Variants in MERTK observed in about 807,000 individuals in gnomAD.
MERTK encodes tyrosine-protein kinase Mer.
MERTK carries 69 observed loss-of-function variants against 99.3 expected under a neutral mutation model. The ratio of observed to expected loss-of-function variants is 0.70; its 90% CI spans 0.57 to 0.85. MERTK has a LOEUF of 0.85. Among genes scored for constraint, MERTK ranks in the 40% least tolerant of loss-of-function variants. The probability of loss-of-function intolerance (pLI) is 0.00; values close to 1 mark genes in which losing one functional copy is unlikely to be tolerated. For missense variants in MERTK, 1,125 were observed against 1,249.4 expected (o/e 0.90, Z 1.50); for synonymous variants, 426 against 467.6 (o/e 0.91, Z 1.15).
chr2:111,951,582 G>A (rs1157443987), intron 4 of MERTK, among the ~76,000 whole-genome samples: 1 of 113,696 alleles, frequency 8.8e-6, no homozygotes, highest in African/African-American at 3.2e-5. Flanking sequence ...TCTGTTTATG[G>A]ACACTTACAT....
At chr2:111,923,331 CA>C (rs747108721) in intron 1 of MERTK, among the ~76,000 whole-genome samples, 11 of 152,232 alleles carry the variant, frequency 7.2e-5, no homozygotes, top group Non-Finnish European at 1.0e-4. Flanking sequence ...ATGATGGAGA[CA>C]AAAGCCCTGA....
rs1303380592 is a variant in MERTK, at chr2:112,028,697, C to T, written c.2833C>T (p.Pro945Ser). ...SEEWEDLTSA[P>S]SAAVTAEKNS... ...GGAATGGGAAGATCTGACTTCTGCC[C>T]CCTCTGCTGCAGTCACAGCTGAAAA... The change falls in exon 19 of 19, where the codon CCC (proline) becomes TCC (serine). Residue 945 changes from proline to serine, a missense_variant. Physicochemically the swap from Pro to Ser is moderately conservative, Grantham distance 74 (BLOSUM62 -1). Transcript: ENST00000295408. 1.9e-6 allele frequency: 3 copies of T among 1,614,200 alleles called. No individual in the cohort carries two copies. Among genetic ancestry groups the T allele is most frequent in the African/African-American group, 2.7e-5 (2 of 75,040 alleles).
At chr2:111,949,224 G>A (rs527805799) in intron 4 of MERTK, among the ~76,000 whole-genome samples, 1 of 152,170 alleles carries the variant, frequency 6.6e-6, no homozygotes. Context: ...TAATTACCCA[G>A]TTTATTCATT....
chr2:111,905,759 G>A (rs1326858524), intron 1 of MERTK, among the ~76,000 whole-genome samples: 5 of 151,932 alleles, frequency 3.3e-5, no homozygotes, highest in Admixed American at 2.6e-4. Context: ...GTGAGCCACC[G>A]TGCCCAGCCA....
At chr2:111,997,007 T>C (rs2104401519) in intron 9 of MERTK, 2 of 371,884 alleles carry the variant, frequency 5.4e-6, no homozygotes, top group Non-Finnish European at 1.0e-5. Context: ...ACGTGTATAA[T>C]GACATGAGTT....
chr2:112,021,615 G>A, intron 17 of MERTK, 34 bp downstream of exon 17: 12 of 1,570,306 alleles, frequency 7.6e-6, no homozygotes, highest in Non-Finnish European at 1.1e-5. Context: ...GGGTCCCACA[G>A]CACAAAGAGG....
chr2:111,991,165 A>T (rs898303485), intron 8 of MERTK, among the ~76,000 whole-genome samples: 6 of 152,202 alleles, frequency 3.9e-5, no homozygotes, highest in Non-Finnish European at 7.3e-5. Flanking sequence ...CCTCGCTCCC[A>T]AATTAAACAC....
chr2:112,021,210 A>G (rs1040927268), intron 16 of MERTK, among the ~76,000 whole-genome samples: 2 of 151,416 alleles, frequency 1.3e-5, no homozygotes, highest in Non-Finnish European at 2.9e-5. Context: ...AAAAGTCTCA[A>G]AAAAAAAATT....
intron 7 of MERTK, among the ~76,000 whole-genome samples, chr2:111,980,406 C>T: frequency 6.9e-6 from 1 of 144,796 alleles, no homozygotes. Flanking sequence ...TGAGACGCAA[C>T]TATTTCTTTT....
chr2:112,001,239 A>G lies in MERTK; in HGVS notation c.1643A>G (p.Asn548Ser). The change falls in exon 11 of 19, where the codon AAT becomes AGT. Residue 548 changes from asparagine to serine, a missense_variant. By Grantham distance (46) the Asn-to-Ser change is conservative. Coordinates refer to ENST00000295408, the MANE Select transcript of MERTK (RefSeq NM_006343.3). ...GAGGAGGATTCTGAATTAGTGGTGAATTATATAGCAAAGAAATCCTTCTGT... is the reference window on the plus strand; with the variant it reads ...GAGGAGGATTCTGAATTAGTGGTGAGTTATATAGCAAAGAAATCCTTCTGT... Reference protein sequence around the residue: ...FTEEDSELVVNYIAKKSFCRR... With the variant: ...FTEEDSELVVSYIAKKSFCRR... The G allele has an allele frequency of 6.2e-7, 1 of 1,613,936 alleles. No individual in the cohort carries two copies. The highest frequency in any genetic ancestry group is 8.5e-7 in the Non-Finnish European group (1 of 1,179,802).
chr2:111,919,202 A>G (rs952276031), intron 1 of MERTK, among the ~76,000 whole-genome samples: 1 of 152,102 alleles, frequency 6.6e-6, no homozygotes, highest in Non-Finnish European at 1.5e-5. Flanking sequence ...GGCCCTCTGC[A>G]TGAGGATTTG....
intron 8 of MERTK, among the ~76,000 whole-genome samples, chr2:111,988,892 T>C (rs1676549260): frequency 6.6e-6 from 1 of 152,178 alleles, no homozygotes; most frequent in African/African-American, 2.4e-5. Context: ...GAGGTTGCAG[T>C]AAGCCAAGAT....
intron 16 of MERTK, among the ~76,000 whole-genome samples, 177 bp downstream of exon 16, chr2:112,019,699 CTG>C (rs1173190207): frequency 1.3e-5 from 2 of 152,158 alleles, no homozygotes; most frequent in Non-Finnish European, 2.9e-5. Context: ...TTCACTGCCT[CTG>C]TATCTGAGAG....
intron 6 of MERTK, among the ~76,000 whole-genome samples, chr2:111,969,778 A>G (rs1401420419): frequency 9.6e-5 from 13 of 135,304 alleles, no homozygotes; most frequent in South Asian, 6.9e-4. Context: ...TGCAAGCTCC[A>G]CCTCCCGGGT....
chr2:111,984,647 TGATAAGCATGA>T (rs1676436458), intron 8 of MERTK, among the ~76,000 whole-genome samples: 1 of 152,190 alleles, frequency 6.6e-6, no homozygotes, highest in Non-Finnish European at 1.5e-5. Context: ...GGGGAGCCAA[TGATAAGCATGA>T]GCTCAGGAGC....
At chr2:112,026,468 A>G (rs535345875) in intron 18 of MERTK, among the ~76,000 whole-genome samples, 10 of 152,304 alleles carry the variant, frequency 6.6e-5, no homozygotes, top group Admixed American at 1.3e-4. Flanking sequence ...CAAACAATCA[A>G]GGCTGTTTGG....
At chr2:111,935,548 G>A (rs986760562) in intron 2 of MERTK, among the ~76,000 whole-genome samples, 1 of 151,960 alleles carries the variant, frequency 6.6e-6, no homozygotes, top group Non-Finnish European at 1.5e-5. Flanking sequence ...ATTTAAGTAC[G>A]AATCCCATGT....
chr2:112,021,124 C>T (rs1176503736), intron 16 of MERTK, among the ~76,000 whole-genome samples: 2 of 151,890 alleles, frequency 1.3e-5, no homozygotes, highest in African/African-American at 2.4e-5. Flanking sequence ...TGCTTGAACC[C>T]GGGAAGCAGA....
chr2:111,925,182 G>A (rs1043562890), intron 1 of MERTK, among the ~76,000 whole-genome samples: 4 of 147,788 alleles, frequency 2.7e-5, no homozygotes, highest in Non-Finnish European at 4.4e-5. Context: ...TTTGACTGTC[G>A]TAGCAAATCT....
Sources: allele counts gnomAD v4.1 joint callset (sites outside exome capture counted in the v4.1 genomes callset), GRCh38; gene constraint gnomAD v4.1.1; transcripts MANE v1.5; gene names NCBI Gene and HGNC (gene_info 2026-07-23, HGNC 2026-07-21).